LGSN: variants seen among roughly 807,000 people sequenced by gnomAD.
LGSN encodes lengsin.
LGSN carries 21 observed loss-of-function variants against 19.5 expected under a neutral mutation model. The ratio of observed to expected loss-of-function variants is 1.07; its 90% CI spans 0.76 to 1.55. The LOEUF (loss-of-function observed/expected upper bound fraction) is 1.55. Ranked by LOEUF, LGSN falls within the 40% of genes most tolerant of loss-of-function variation. The pLI is 0.00. For synonymous variants in LGSN, 257 were observed against 215.6 expected, an observed-to-expected ratio of 1.19 and a Z score of -1.68; for missense variants, 673 against 608.5, an observed-to-expected ratio of 1.11 and a Z score of -1.12.
chr6:63,347,833 T>C, the LGSN span, among the ~76,000 whole-genome samples: 2 of 152,214 alleles, frequency 1.3e-5, no homozygotes, highest in Non-Finnish European at 2.9e-5. Flanking sequence ...CGGTAACTTA[T>C]TTAAAAATCC....
At chr6:63,517,868 G>C in the LGSN span, among the ~76,000 whole-genome samples, 2 of 152,110 alleles carry the variant, frequency 1.3e-5, no homozygotes, top group East Asian at 3.9e-4. Flanking sequence ...TAAAATCTCA[G>C]TAGGGCCAAG....
the LGSN span, among the ~76,000 whole-genome samples, chr6:63,512,660 C>T: frequency 6.6e-6 from 1 of 152,148 alleles, no homozygotes; most frequent in Admixed American, 6.5e-5. Context: ...TTTTATGAGA[C>T]TGCAGAGGGG....
the LGSN span, among the ~76,000 whole-genome samples, chr6:63,554,926 T>C: frequency 9.0e-3 from 1,376 of 152,366 alleles, 11 homozygotes; most frequent in Non-Finnish European, 0.015. Context: ...ACAGAAATTA[T>C]GTTAGAATCA....
At chr6:63,440,452 A>G in the LGSN span, among the ~76,000 whole-genome samples, 1 of 152,146 alleles carries the variant, frequency 6.6e-6, no homozygotes, top group African/African-American at 2.4e-5. Context: ...AATAAACCCT[A>G]TAATGTGTCT....
the LGSN span, among the ~76,000 whole-genome samples, chr6:63,567,023 C>T: frequency 1.3e-5 from 2 of 152,306 alleles, no homozygotes; most frequent in South Asian, 2.1e-4. Flanking sequence ...AAAATTGCAG[C>T]GATTTAGTCA....
the LGSN span, among the ~76,000 whole-genome samples, chr6:63,336,555 GTGTGTGTA>G: frequency 9.9e-5 from 14 of 142,048 alleles, 2 homozygotes; most frequent in African/African-American, 3.4e-4. Context: ...GTGTGTGTGT[GTGTGTGTA>G]TATATATATA....
chr6:63,401,577 C>T, the LGSN span, among the ~76,000 whole-genome samples: 2 of 152,110 alleles, frequency 1.3e-5, no homozygotes, highest in Non-Finnish European at 2.9e-5. Context: ...AAGAATGCAA[C>T]TTACAAAAAG....
chr6:63,541,905 C>T, the LGSN span, among the ~76,000 whole-genome samples: 2 of 152,120 alleles, frequency 1.3e-5, no homozygotes, highest in African/African-American at 4.8e-5. Context: ...CAACCATTTC[C>T]TGGTGTCTCC....
intron 2 of LGSN, among the ~76,000 whole-genome samples, chr6:63,290,454 G>C (rs1767722554): frequency 6.6e-6 from 1 of 152,234 alleles, no homozygotes; most frequent in African/African-American, 2.4e-5. Context: ...GCCAGCAGAT[G>C]TTATCTGATT....
the LGSN span, among the ~76,000 whole-genome samples, chr6:63,533,332 A>G: frequency 1.3e-5 from 2 of 152,206 alleles, no homozygotes; most frequent in Non-Finnish European, 2.9e-5. Context: ...CAGTGAGCCA[A>G]GATTATGACA....
chr6:63,357,552 T>C, the LGSN span, among the ~76,000 whole-genome samples: 3 of 152,254 alleles, frequency 2.0e-5, no homozygotes, highest in Non-Finnish European at 2.9e-5. Flanking sequence ...TATCTCATTG[T>C]GGTTTTTATT....
the LGSN span, among the ~76,000 whole-genome samples, chr6:63,555,258 A>G: frequency 6.6e-6 from 1 of 152,202 alleles, no homozygotes; most frequent in African/African-American, 2.4e-5. Flanking sequence ...CAGGGCAAAC[A>G]TTTCCAACAT....
chr6:63,384,478 G>T, the LGSN span, among the ~76,000 whole-genome samples: 20 of 147,764 alleles, frequency 1.4e-4, no homozygotes, highest in African/African-American at 4.3e-4. Context: ...AATGCCTTTG[G>T]AAATAACACC....
chr6:63,289,136 G>A (rs1428597767), intron 2 of LGSN, among the ~76,000 whole-genome samples: 1 of 152,194 alleles, frequency 6.6e-6, no homozygotes, highest in East Asian at 1.9e-4. Context: ...TAGCAGTATA[G>A]GCATCTCATA....
chr6:63,480,986 T>TATATATAC, the LGSN span, among the ~76,000 whole-genome samples: 2 of 44,108 alleles, frequency 4.5e-5, no homozygotes, highest in Non-Finnish European at 1.4e-4. Flanking sequence ...TATATATATA[T>TATATATAC]ACACACACAC....
At chr6:63,331,633 C>A in the LGSN span, among the ~76,000 whole-genome samples, 3 of 152,004 alleles carry the variant, frequency 2.0e-5, no homozygotes, top group African/African-American at 7.3e-5. Context: ...AACGCAGCAG[C>A]AGAAACAACC....
the LGSN span, among the ~76,000 whole-genome samples, chr6:63,447,045 G>T: frequency 6.6e-6 from 1 of 152,166 alleles, no homozygotes; most frequent in African/African-American, 2.4e-5. Context: ...GTGAAACTCC[G>T]TCTCAAAAAA....
chr6:63,553,571 T>C, the LGSN span, among the ~76,000 whole-genome samples: 18 of 152,354 alleles, frequency 1.2e-4, no homozygotes, highest in East Asian at 3.3e-3. Flanking sequence ...TTGTCAGCCT[T>C]GCCTGGACAT....
At chr6:63,417,585 T>C in the LGSN span, among the ~76,000 whole-genome samples, 1 of 152,234 alleles carries the variant, frequency 6.6e-6, no homozygotes. Context: ...TTCTGTCTCC[T>C]ATCTGGACCC....
Sources: gnomAD v4.1 joint callset for allele counts (sites outside exome capture counted in the v4.1 genomes callset) on GRCh38, gnomAD v4.1.1 for gene constraint, MANE v1.5 for transcripts, NCBI Gene and HGNC (gene_info 2026-07-23, HGNC 2026-07-21) for gene names.